Variants in COL9A1 observed in about 807,000 individuals in gnomAD.
The protein encoded by COL9A1 is collagen alpha-1(IX) chain.
Under a neutral mutation model 142.6 loss-of-function variants are expected in COL9A1, and 104 were observed. That is an observed-to-expected ratio of 0.73 (90% CI 0.62 to 0.86). The LOEUF is 0.86. Ranked by LOEUF, COL9A1 falls within the 40% of genes least tolerant of loss-of-function variation. COL9A1 has a pLI of 0.00. For synonymous variants in COL9A1, 466 were observed against 396.0 expected (o/e 1.18, Z -2.10); for missense variants, 1,210 against 1,176.6 (o/e 1.03, Z -0.42).
intron 5 of COL9A1, among the ~76,000 whole-genome samples, chr6:70,288,227 G>A (rs1159059691): frequency 6.6e-6 from 1 of 152,046 alleles, no homozygotes; most frequent in Non-Finnish European, 1.5e-5. Flanking sequence ...CTAAAGTAAT[G>A]GTGTCATCTT....
intron 6 of COL9A1, 56 bp downstream of exon 6, chr6:70,283,681 G>T: frequency 1.5e-6 from 2 of 1,310,426 alleles, no homozygotes; most frequent in South Asian, 1.2e-5. Context: ...AAAGTGGTGA[G>T]GTGGAGAGGG....
chr6:70,287,804 C>G (rs1331704937), intron 5 of COL9A1, among the ~76,000 whole-genome samples: 1 of 152,052 alleles, frequency 6.6e-6, no homozygotes, highest in African/African-American at 2.4e-5. Flanking sequence ...TACTATTTTC[C>G]CTTGACTTTC....
chr6:70,270,512 G>A (rs1008347217), intron 14 of COL9A1, 145 bp from the exon 15 acceptor site: 1 of 561,994 alleles, frequency 1.8e-6, no homozygotes, highest in Non-Finnish European at 3.0e-6. Flanking sequence ...ATCGATGGGT[G>A]GCCCGTAATC....
intron 35 of COL9A1, among the ~76,000 whole-genome samples, chr6:70,233,898 C>A (rs952332398): frequency 6.6e-6 from 1 of 152,218 alleles, no homozygotes; most frequent in Non-Finnish European, 1.5e-5. Flanking sequence ...CAGAACTCCT[C>A]AGCTATAGGG....
intron 10 of COL9A1, among the ~76,000 whole-genome samples, chr6:70,276,973 C>T (rs1189080126): frequency 6.6e-6 from 1 of 152,180 alleles, no homozygotes; most frequent in Non-Finnish European, 1.5e-5. Flanking sequence ...CACATTTCTT[C>T]AATGCCTGAA....
At position 70,255,120 on chromosome 6, in the gene COL9A1, T is replaced by C. The variant is rs1437160732; in HGVS notation, c.1611+30A>G. On this transcript the variant is annotated intron_variant, in intron 23 of 37. Transcript: ENST00000357250. Reference sequence around the variant, plus strand: ...TTGCAAGTCAATGATCACTGAAAAATGTGCTTGATGACTACAGCTCAGGAC... The same window carrying C: ...TTGCAAGTCAATGATCACTGAAAAACGTGCTTGATGACTACAGCTCAGGAC... 29 of 1,613,950 alleles carry C rather than the reference T, an allele frequency of 1.8e-5. No individual in the cohort carries two copies. The Admixed American group carries it at 4.0e-4, about 22-fold the overall frequency.
chr6:70,300,607 T>C (rs1449617982), intron 2 of COL9A1, among the ~76,000 whole-genome samples: 2 of 152,188 alleles, frequency 1.3e-5, no homozygotes, highest in East Asian at 1.9e-4. Context: ...TTTACCTCCA[T>C]GCCTCTACGA....
Position 70,263,407 on chromosome 6 carries a change from T to A in COL9A1, c.1342-110A>T, listed in dbSNP as rs1006457784. 4 of 797,540 alleles carry A rather than the reference T, an allele frequency of 5.0e-6. No homozygotes were observed. The African/African-American group carries it at 7.1e-5, about 14-fold the overall frequency. The allele number at this position is 797,540 out of a possible 1,614,324, so 49.4% of individuals were successfully genotyped here. ...TGTTTTAAGTTAACTTGGTGACTCCTGAATTATTCTACTTTCTTAAATTAT... is the reference window on the plus strand; with the variant it reads ...TGTTTTAAGTTAACTTGGTGACTCCAGAATTATTCTACTTTCTTAAATTAT... On this transcript the variant is annotated intron_variant, in intron 18 of 37. Coordinates refer to ENST00000357250, the MANE Select transcript of COL9A1 (RefSeq NM_001851.6).
intron 36 of COL9A1, among the ~76,000 whole-genome samples, chr6:70,228,279 G>A (rs1583210511): frequency 6.6e-6 from 1 of 152,062 alleles, no homozygotes; most frequent in South Asian, 2.1e-4. Flanking sequence ...AGCAGCCACA[G>A]AACAAAGTTG....
intron 7 of COL9A1, among the ~76,000 whole-genome samples, chr6:70,282,617 T>C (rs1218376961): frequency 6.6e-6 from 1 of 152,144 alleles, no homozygotes; most frequent in African/African-American, 2.4e-5. Context: ...AATAACAGGC[T>C]AAGAATTAAA....
chr6:70,239,306 T>A lies in COL9A1; in HGVS notation c.2080-20A>T. 1 of 1,486,250 alleles carries A rather than the reference T, an allele frequency of 6.7e-7. No homozygotes were observed. Among genetic ancestry groups the A allele is most frequent in the Non-Finnish European group, 9.4e-7 (1 of 1,064,136 alleles). The allele number at this position is 1,486,250 out of a possible 1,614,324, so 92.1% of individuals were successfully genotyped here. ...ATCTCCCTAAATCAATAAAAGAAAT[T>A]TATGTTAGAACAATGTATTCACATT... On this transcript the variant is annotated intron_variant, in intron 32 of 37. Coordinates refer to ENST00000357250, the MANE Select transcript of COL9A1 (RefSeq NM_001851.6).
chr6:70,273,633 T>C (rs1425080370), intron 12 of COL9A1, among the ~76,000 whole-genome samples: 1 of 152,144 alleles, frequency 6.6e-6, no homozygotes, highest in Non-Finnish European at 1.5e-5. Flanking sequence ...TAATATCTGA[T>C]TAGTCGATAT....
rs761702370 is a variant in COL9A1 at position 70,302,021 on chromosome 6, G to A, written c.68C>T (p.Ala23Val). ...CTTACTGGGGCGACGCTTGACAGCT[G>A]CAGATGCCCAGGGTTCCAGGAAACT... ...VCSFLEPWAS[A>V]AVKRRPRFPV... Residue 23 changes from alanine to valine, a missense_variant, in exon 2 of 38, where the codon GCA becomes GTA. Transcript: ENST00000357250. The A allele has an allele frequency of 1.9e-6, 3 of 1,611,424 alleles. No individual in the cohort carries two copies. The highest frequency in any genetic ancestry group is 2.2e-5 in the East Asian group (1 of 44,884).
intron 10 of COL9A1, among the ~76,000 whole-genome samples, chr6:70,276,790 A>G (rs1164150220): frequency 6.6e-6 from 1 of 152,164 alleles, no homozygotes; most frequent in Non-Finnish European, 1.5e-5. Context: ...GTTCCTCCAC[A>G]ACATCTTTAT....
chr6:70,302,180 C>A, intron 1 of COL9A1, 106 bp from the exon 2 acceptor site: 3 of 654,878 alleles, frequency 4.6e-6, no homozygotes, highest in South Asian at 1.7e-5. Context: ...GTGATCAAAT[C>A]ACAGTATAGT....
At position 70,294,563 on chromosome 6, in the gene COL9A1, C is replaced by A; in HGVS notation, c.300G>T (p.Arg100Ser). ...GNNVDFRIPTRNLYPSGLPEE... is the reference protein window; with the variant it reads ...GNNVDFRIPTSNLYPSGLPEE... ...CAGGCAGTCCACTGGGATATAAATT[C>A]CTGAGTAAAATTTTTAAATAGTAAA... Residue 100 changes from arginine to serine, a missense_variant and splice_region_variant, in exon 5 of 38, where the codon AGG becomes AGT. Coordinates refer to ENST00000357250, the MANE Select transcript of COL9A1 (RefSeq NM_001851.6). 6.2e-7 allele frequency: 1 copy of A among 1,613,756 alleles called. No individual in the cohort carries two copies. The highest frequency in any genetic ancestry group is 1.3e-5 in the African/African-American group (1 of 75,018).
chr6:70,271,842 T>C, intron 13 of COL9A1, 134 bp from the exon 14 acceptor site: 1 of 996,154 alleles, frequency 1.0e-6, no homozygotes, highest in Non-Finnish European at 1.5e-6. Context: ...AATAACTCAT[T>C]TGACCAAACT....
intron 7 of COL9A1, 130 bp downstream of exon 7, chr6:70,282,768 G>T: frequency 7.2e-7 from 1 of 1,389,240 alleles, no homozygotes; most frequent in Admixed American, 1.9e-5. Context: ...GGTGCTCGAG[G>T]CTGGAGGAAG....
intron 10 of COL9A1, among the ~76,000 whole-genome samples, chr6:70,275,359 A>C (rs1772688656): frequency 6.6e-6 from 1 of 152,208 alleles, no homozygotes; most frequent in Admixed American, 6.5e-5. Flanking sequence ...ATTAATTCTT[A>C]AAGTAGAAAC....
Sources: gnomAD v4.1 joint callset for allele counts (sites outside exome capture counted in the v4.1 genomes callset) on GRCh38, gnomAD v4.1.1 for gene constraint, MANE v1.5 for transcripts, NCBI Gene and HGNC (gene_info 2026-07-23, HGNC 2026-07-21) for gene names.